TMX4: variants seen among roughly 807,000 people sequenced by gnomAD.
TMX4 encodes thioredoxin-related transmembrane protein 4.
Under a neutral mutation model 33.3 loss-of-function variants are expected in TMX4, and 23 were observed. The observed-to-expected ratio is 0.69, with a 90% CI of 0.50 to 0.98. TMX4 has a LOEUF of 0.98. Ranked by LOEUF, TMX4 falls within the 50% of genes least tolerant of loss-of-function variation. TMX4 has a pLI of 0.00. For synonymous variants in TMX4, 164 were observed against 161.5 expected, an observed-to-expected ratio of 1.02 and a Z score of -0.12; for missense variants, 399 against 448.9, an observed-to-expected ratio of 0.89 and a Z score of 1.01.
In TMX4 at chr20:8,019,511, C is replaced by T. The variant is rs2050802309; in HGVS notation, c.103G>A (p.Glu35Lys). The change falls in exon 1 of 8, where the codon GAG becomes AAG. Residue 35 changes from glutamate to lysine, a missense_variant. Physicochemically the swap from Glu to Lys is moderately conservative, Grantham distance 56. Coordinates refer to ENST00000246024, the MANE Select transcript of TMX4 (RefSeq NM_021156.4). ...AGPEEAALPP[E>K]QSRVQPMTAS... ...GTCATGGGCTGGACCCGGCTCTGCTCCGGCGGCAGCGCGGCCTCCTCGGGG... is the reference window on the plus strand; with the variant it reads ...GTCATGGGCTGGACCCGGCTCTGCTTCGGCGGCAGCGCGGCCTCCTCGGGG... 6.7e-7 allele frequency: 1 copy of T among 1,499,512 alleles called. No homozygotes were observed. The highest frequency in any genetic ancestry group is 8.9e-7 in the Non-Finnish European group (1 of 1,124,958). 92.9% of individuals were successfully genotyped at this position (1,499,512 alleles called of 1,614,324 possible). A position where few individuals can be genotyped will look rare whatever the true frequency, so the allele number is the denominator to read the frequency against.
rs888078849 is a variant in TMX4 at position 8,019,219 on chromosome 20, G to A, written c.176+219C>T. The stretch of plus-strand genomic sequence containing the variant: ...CGAGCGGCCGGGCCCCACAGCCGCA[G>A]GTCGTTGGTAAGGCGGGTCCGCGGA... On this transcript the variant is annotated intron_variant, in intron 1 of 7. Coordinates refer to ENST00000246024, the MANE Select transcript of TMX4 (RefSeq NM_021156.4). 5.2e-4 allele frequency: 289 copies of A among 552,274 alleles called. 2 individuals are homozygous for A. The highest frequency in any genetic ancestry group is 8.5e-4 in the Middle Eastern group (2 of 2,356). 34.2% of individuals were successfully genotyped at this position (552,274 alleles called of 1,614,324 possible).
chr20:8,019,308 T>C (rs1412389595), intron 1 of TMX4, 130 bp downstream of exon 1: 20 of 1,153,960 alleles, frequency 1.7e-5, no homozygotes, highest in Non-Finnish European at 2.2e-5. Flanking sequence ...CCGCAGGTTG[T>C]TGGCAAGCCT....
intron 1 of TMX4, 70 bp downstream of exon 1, chr20:8,019,368 G>A: frequency 6.8e-7 from 1 of 1,468,048 alleles, no homozygotes; most frequent in Non-Finnish European, 9.0e-7. Flanking sequence ...ATCGCCACCG[G>A]GCCGCGCGGG....
Position 8,019,649 on chromosome 20 carries a change from TG to T in TMX4, c.-37del. The stretch of plus-strand genomic sequence containing the variant: ...GAGCGAGGCTTCTCGGCGGGGAGTG[TG>T]GGGAAGGGCAGCGGCCGGCCCGCAG... On this transcript the variant is annotated 5_prime_UTR_variant, in exon 1 of 8. Coordinates refer to ENST00000246024, the MANE Select transcript of TMX4 (RefSeq NM_021156.4). The T allele has an allele frequency of 7.6e-7, 1 of 1,309,694 alleles. No homozygotes were observed. The highest frequency in any genetic ancestry group is 9.7e-7 in the Non-Finnish European group (1 of 1,029,162). The allele number at this position is 1,309,694 out of a possible 1,614,324, so 81.1% of individuals were successfully genotyped here.
At chr20:7,986,412 A>G (rs1400386101) in intron 6 of TMX4, among the ~76,000 whole-genome samples, 1 of 152,166 alleles carries the variant, frequency 6.6e-6, no homozygotes, top group Non-Finnish European at 1.5e-5. Context: ...AGAACTTGCT[A>G]AAGAGCCAAA....
Position 7,979,426 on chromosome 20 carries a change from A to T in TMX4, c.*2825T>A, listed in dbSNP as rs1459870633. The T allele has an allele frequency of 5.3e-5, 8 of 152,206 alleles. No homozygotes were observed. Among genetic ancestry groups the T allele is most frequent in the East Asian group, 1.9e-4 (1 of 5,188 alleles). 9.4% of individuals were successfully genotyped at this position (152,206 alleles called of 1,614,324 possible). On this transcript the variant is annotated 3_prime_UTR_variant, in exon 8 of 8. Transcript: ENST00000246024. The stretch of plus-strand genomic sequence containing the variant: ...TTCTCCTCACCCTTCAATTTTTTTT[A>T]AAAGTATTTCTGAGAAAGAAAGTAC...
rs1216641838 is a variant in TMX4 at position 8,019,623 on chromosome 20, C to G, written c.-10G>C. On this transcript the variant is annotated 5_prime_UTR_variant, in exon 1 of 8. Coordinates refer to ENST00000246024, the MANE Select transcript of TMX4 (RefSeq NM_021156.4). ...AGCGCCCACCCGCCATGTTGGGCGC[C>G]GAGCGAGGCTTCTCGGCGGGGAGTG... 4 of 1,333,482 alleles carry G rather than the reference C, an allele frequency of 3.0e-6. No homozygotes were observed. Among genetic ancestry groups the G allele is most frequent in the African/African-American group, 1.5e-5 (1 of 64,590 alleles). 82.6% of individuals were successfully genotyped at this position (1,333,482 alleles called of 1,614,324 possible).
intron 1 of TMX4, among the ~76,000 whole-genome samples, chr20:8,010,982 G>A (rs2050750615): frequency 6.6e-6 from 1 of 152,106 alleles, no homozygotes; most frequent in East Asian, 1.9e-4. Flanking sequence ...AATTGTGAAG[G>A]AGATTTGGTG....
chr20:8,008,460 C>A (rs189919199), intron 2 of TMX4, among the ~76,000 whole-genome samples: 4 of 152,168 alleles, frequency 2.6e-5, no homozygotes, highest in Admixed American at 2.6e-4. Flanking sequence ...TCTCTTATTT[C>A]ATTATCAAGA....
chr20:7,993,118 G>A (rs1382105305), intron 5 of TMX4, among the ~76,000 whole-genome samples: 1 of 152,196 alleles, frequency 6.6e-6, no homozygotes, highest in Non-Finnish European at 1.5e-5. Flanking sequence ...ATCTGTACAT[G>A]TATCCAGATA....
In TMX4 at chr20:7,981,944, C is replaced by T; in HGVS notation, c.*307G>A. The T allele has an allele frequency of 3.8e-6, 1 of 262,920 alleles. No individual in the cohort carries two copies. Among genetic ancestry groups the T allele is most frequent in the Non-Finnish European group, 7.2e-6 (1 of 139,114 alleles). The allele number at this position is 262,920 out of a possible 1,614,324, so 16.3% of individuals were successfully genotyped here. A position where few individuals can be genotyped will look rare whatever the true frequency, so the allele number is the denominator to read the frequency against. On this transcript the variant is annotated 3_prime_UTR_variant, in exon 8 of 8. Transcript: ENST00000246024. ...CCTGCAGCCTTGTCTCTGGAAGGTG[C>T]TGATTAGGACTGGGAATGGCCTCCT...
intron 4 of TMX4, among the ~76,000 whole-genome samples, chr20:7,998,567 T>C (rs954570750): frequency 1.3e-5 from 2 of 152,142 alleles, no homozygotes; most frequent in African/African-American, 4.8e-5. Context: ...ACTTCTTTCC[T>C]GTGGCCACAG....
At chr20:7,989,953 T>A (rs1249147468) in intron 5 of TMX4, among the ~76,000 whole-genome samples, 5 of 152,182 alleles carry the variant, frequency 3.3e-5, no homozygotes, top group Non-Finnish European at 5.9e-5. Context: ...CACAAAAATG[T>A]AAACTGATGG....
chr20:8,005,707 C>T (rs1390226306), intron 2 of TMX4, among the ~76,000 whole-genome samples: 2 of 152,092 alleles, frequency 1.3e-5, no homozygotes, highest in Admixed American at 6.5e-5. Flanking sequence ...GGCTGGACAT[C>T]GAGAGGACAT....
At chr20:8,010,112 C>A in intron 2 of TMX4, 88 bp downstream of exon 2, 1 of 1,086,050 alleles carries the variant, frequency 9.2e-7, no homozygotes, top group Non-Finnish European at 1.4e-6. Flanking sequence ...ATCAATATCC[C>A]AGACTCTCAA....
In TMX4 at chr20:8,009,090, A is replaced by G. The variant is rs558686099; in HGVS notation, c.292+1110T>C. Among the ~76,000 whole-genome samples the G allele has an allele frequency of 1.2e-4, 19 of 152,266 alleles. No individual in the cohort carries two copies. The South Asian group carries it at 3.9e-3, about 32-fold the overall frequency. On this transcript the variant is annotated intron_variant, in intron 2 of 7. Transcript: ENST00000246024. Reference sequence around the variant, plus strand: ...CCCTTGTAAAAGGATGAAAGGATGCAGTAGGTATAAATTGAATGTCAATGA... The same window carrying G: ...CCCTTGTAAAAGGATGAAAGGATGCGGTAGGTATAAATTGAATGTCAATGA...
At chr20:8,006,724 G>C (rs2050732131) in intron 2 of TMX4, among the ~76,000 whole-genome samples, 1 of 151,360 alleles carries the variant, frequency 6.6e-6, no homozygotes, top group African/African-American at 2.4e-5. Flanking sequence ...ACTTCTCATA[G>C]GAGAAGTTCC....
chr20:8,016,088 T>A (rs1413513083), intron 1 of TMX4, among the ~76,000 whole-genome samples: 1 of 152,104 alleles, frequency 6.6e-6, no homozygotes, highest in Non-Finnish European at 1.5e-5. Context: ...CAAGCAAATG[T>A]TGAAAGTAGC....
intron 2 of TMX4, among the ~76,000 whole-genome samples, chr20:8,005,245 G>A (rs1169941498): frequency 6.6e-6 from 1 of 152,150 alleles, no homozygotes. Flanking sequence ...TGACAACTAA[G>A]CTCATCTGCA....
Sources: gnomAD v4.1 joint callset for allele counts (sites outside exome capture counted in the v4.1 genomes callset) on GRCh38, gnomAD v4.1.1 for gene constraint, MANE v1.5 for transcripts, NCBI Gene and HGNC (gene_info 2026-07-23, HGNC 2026-07-21) for gene names.